Variants in IMMP2L observed in about 807,000 individuals in gnomAD.
The protein encoded by IMMP2L is mitochondrial inner membrane protease subunit 2.
IMMP2L carries 18 observed loss-of-function variants against 19.3 expected under a neutral mutation model. The observed-to-expected ratio is 0.93, with a 90% CI of 0.64 to 1.38. The LOEUF (loss-of-function observed/expected upper bound fraction) is 1.38, where lower values mean the gene tolerates loss of function less well. Among genes scored for constraint, IMMP2L ranks in the 40% most tolerant of loss-of-function variants. The pLI is 0.00. For missense variants in IMMP2L, 233 were observed against 218.2 expected (o/e 1.07, Z -0.43); for synonymous variants, 76 against 73.0 (o/e 1.04, Z -0.21).
rs1835440834 is a variant in IMMP2L, at chr7:111,420,834, C to A, written c.239+66404G>T. ...ATGGACATTTGGGTTGGTTCCAAGT[C>A]TTTGCTATTGTGAATAGTGCTGCAA... is the stretch of plus-strand genomic sequence containing the variant. On this transcript the variant is annotated intron_variant, in intron 3 of 5. Coordinates refer to ENST00000405709, the MANE Select transcript of IMMP2L (RefSeq NM_032549.4). Among the ~76,000 whole-genome samples, 3 of 151,686 alleles carry A rather than the reference C, an allele frequency of 2.0e-5. No homozygotes were observed. The South Asian group carries it at 6.2e-4, about 31-fold the overall frequency.
At chr7:110,690,167 G>C (rs1016108784) in intron 5 of IMMP2L, among the ~76,000 whole-genome samples, 10 of 152,144 alleles carry the variant, frequency 6.6e-5, no homozygotes, top group African/African-American at 2.4e-4. Flanking sequence ...GTCCTATGAC[G>C]CTGGGACCTG....
chr7:110,705,531 C>G (rs1794599619), intron 5 of IMMP2L, among the ~76,000 whole-genome samples: 1 of 152,032 alleles, frequency 6.6e-6, no homozygotes, highest in Admixed American at 6.5e-5. Context: ...CAAAATATTT[C>G]ATCTCATAAG....
intron 1 of IMMP2L, among the ~76,000 whole-genome samples, chr7:111,542,041 C>A (rs1414122420): frequency 1.3e-5 from 2 of 152,068 alleles, no homozygotes; most frequent in African/African-American, 2.4e-5. Context: ...CAGCCAAAAT[C>A]ATATCAACAT....
At chr7:111,498,505 C>G (rs1377654794) in intron 2 of IMMP2L, among the ~76,000 whole-genome samples, 1 of 151,780 alleles carries the variant, frequency 6.6e-6, no homozygotes, top group Admixed American at 6.6e-5. Flanking sequence ...CTCAGAACCA[C>G]TTTTCTGTCT....
At chr7:111,479,050 C>T (rs1038240746) in intron 3 of IMMP2L, among the ~76,000 whole-genome samples, 4 of 152,162 alleles carry the variant, frequency 2.6e-5, no homozygotes, top group Non-Finnish European at 5.9e-5. Flanking sequence ...TATAGCCCCA[C>T]AAGAATTCCA....
intron 3 of IMMP2L, among the ~76,000 whole-genome samples, chr7:111,327,992 T>A (rs922474001): frequency 2.0e-5 from 3 of 151,766 alleles, no homozygotes; most frequent in Non-Finnish European, 4.4e-5. Flanking sequence ...TAAAGTATTA[T>A]AAAGCAGCAT....
chr7:111,403,465 A>ATATT (rs1563150076), intron 3 of IMMP2L, among the ~76,000 whole-genome samples: 2 of 151,532 alleles, frequency 1.3e-5, no homozygotes, highest in African/African-American at 4.8e-5. Flanking sequence ...ATATATATAT[A>ATATT]TTTTTAAACA....
intron 3 of IMMP2L, among the ~76,000 whole-genome samples, chr7:111,461,109 G>T (rs546788877): frequency 6.6e-6 from 1 of 152,058 alleles, no homozygotes; most frequent in Non-Finnish European, 1.5e-5. Flanking sequence ...GTGCTGGATA[G>T]TTGCTTTCAA....
chr7:111,143,259 T>C (rs955645498), intron 3 of IMMP2L, among the ~76,000 whole-genome samples: 4 of 152,204 alleles, frequency 2.6e-5, no homozygotes, highest in Admixed American at 2.6e-4. Flanking sequence ...TGTGATGTTA[T>C]AACTACTAAG....
intron 3 of IMMP2L, among the ~76,000 whole-genome samples, chr7:111,303,141 T>G (rs1822450916): frequency 1.3e-5 from 2 of 152,120 alleles, no homozygotes; most frequent in African/African-American, 4.8e-5. Flanking sequence ...GTATACATTT[T>G]CCCCCTTAGA....
chr7:111,108,955 G>T (rs1401092974), intron 3 of IMMP2L, among the ~76,000 whole-genome samples: 1 of 152,114 alleles, frequency 6.6e-6, no homozygotes, highest in Non-Finnish European at 1.5e-5. Flanking sequence ...CCATAGCTCT[G>T]AATAAAACGG....
At chr7:110,857,536 C>T (rs1806922827) in intron 5 of IMMP2L, among the ~76,000 whole-genome samples, 1 of 152,088 alleles carries the variant, frequency 6.6e-6, no homozygotes. Flanking sequence ...GCATTAGAAT[C>T]ATATTAGGTA....
At chr7:111,419,403 C>T (rs1419307366) in intron 3 of IMMP2L, among the ~76,000 whole-genome samples, 1 of 151,472 alleles carries the variant, frequency 6.6e-6, no homozygotes, top group South Asian at 2.1e-4. Context: ...AGGAAATGGG[C>T]CCCAAAATCA....
At chr7:111,242,320 G>A (rs555833476) in intron 3 of IMMP2L, among the ~76,000 whole-genome samples, 4 of 151,988 alleles carry the variant, frequency 2.6e-5, no homozygotes, top group East Asian at 1.9e-4. Flanking sequence ...CTCTTCCAAC[G>A]TTATTTATGA....
intron 1 of IMMP2L, among the ~76,000 whole-genome samples, chr7:111,552,693 A>G (rs1790815600): frequency 6.6e-6 from 1 of 152,178 alleles, no homozygotes; most frequent in East Asian, 1.9e-4. Flanking sequence ...TTATCCTCTC[A>G]GAGAGCCTAC....
chr7:111,289,810 C>T (rs187581455), intron 3 of IMMP2L, among the ~76,000 whole-genome samples: 1 of 151,960 alleles, frequency 6.6e-6, no homozygotes, highest in South Asian at 2.1e-4. Context: ...CTCAGTATAC[C>T]TACTGTTCTT....
In IMMP2L at chr7:111,086,255, G is replaced by GA. The variant is rs1366944429; in HGVS notation, c.240-122691dup. On this transcript the variant is annotated intron_variant, in intron 3 of 5. Transcript: ENST00000405709. The stretch of plus-strand genomic sequence containing the variant: ...TAGAGAGACCCCATCTCTACTCAAA[G>GA]AAAAAAAAAAGAAAAAAAAAAAAGA... Among the ~76,000 whole-genome samples, 576 of 103,128 alleles carry GA rather than the reference G, an allele frequency of 5.6e-3. 7 individuals carry two copies. The highest frequency in any genetic ancestry group is 0.018 in the African/African-American group (499 of 27,948). The allele number at this position is 103,128 out of a possible 152,430, so 67.7% of individuals were successfully genotyped here.
At chr7:111,522,594 A>G (rs778293093) in intron 1 of IMMP2L, among the ~76,000 whole-genome samples, 37 of 152,086 alleles carry the variant, frequency 2.4e-4, no homozygotes, top group Admixed American at 2.2e-3. Flanking sequence ...AACCACATGG[A>G]TATCATTCCA....
At chr7:110,997,792 T>G (rs1823202254) in intron 3 of IMMP2L, among the ~76,000 whole-genome samples, 1 of 152,150 alleles carries the variant, frequency 6.6e-6, no homozygotes, top group African/African-American at 2.4e-5. Flanking sequence ...TGCAAATACT[T>G]TCTCCCAGTC....
Sources: allele counts gnomAD v4.1 joint callset (sites outside exome capture counted in the v4.1 genomes callset), GRCh38; gene constraint gnomAD v4.1.1; transcripts MANE v1.5; gene names NCBI Gene and HGNC (gene_info 2026-07-23, HGNC 2026-07-21).